The following CSMD1 variants were observed in gnomAD, a reference collection of about 807,000 sequenced individuals.
CSMD1 encodes CUB and Sushi multiple domains 1.
Under a neutral mutation model 417.5 loss-of-function variants are expected in CSMD1, and 213 were observed. The ratio of observed to expected loss-of-function variants is 0.51; its 90% CI spans 0.46 to 0.57. The LOEUF is 0.57. Ranked by LOEUF, CSMD1 falls within the 20% of genes least tolerant of loss-of-function variation. The pLI is 0.00. For missense variants in CSMD1, 6,923 were observed against 4,529.7 expected (o/e 1.53, Z -15.17); for synonymous variants, 2,862 against 1,736.8 (o/e 1.65, Z -16.11).
chr8:4,436,118 T>G (rs1798135849), intron 2 of CSMD1, among the ~76,000 whole-genome samples: 4 of 152,144 alleles, frequency 2.6e-5, no homozygotes, highest in Admixed American at 2.0e-4. Context: ...AAATATATTC[T>G]TCATTTCAGC....
At chr8:4,454,254 G>C (rs187871512) in intron 2 of CSMD1, among the ~76,000 whole-genome samples, 1 of 152,012 alleles carries the variant, frequency 6.6e-6, no homozygotes, top group African/African-American at 2.4e-5. Flanking sequence ...AGTGCTTACC[G>C]CCTCTCACTG....
At chr8:4,761,835 G>GCATCCATCCATC (rs58902259) in intron 1 of CSMD1, among the ~76,000 whole-genome samples, 3 of 121,644 alleles carry the variant, frequency 2.5e-5, no homozygotes, top group African/African-American at 1.0e-4. Flanking sequence ...ATAGTACCAT[G>GCATCCATCCATC]CATCTATCTA....
At chr8:3,850,863 G>T (rs1158079563) in intron 5 of CSMD1, among the ~76,000 whole-genome samples, 2 of 152,058 alleles carry the variant, frequency 1.3e-5, no homozygotes, top group East Asian at 1.9e-4. Context: ...ACAGACTCAA[G>T]AAAGAATTTA....
At chr8:3,817,236 G>GTCA (rs146874379) in intron 5 of CSMD1, among the ~76,000 whole-genome samples, 22,878 of 125,124 alleles carry the variant, frequency 0.18, 3,185 homozygotes, top group East Asian at 0.34. Context: ...ATCCAAAGTG[G>GTCA]TCATATCTTC....
At chr8:3,308,969 C>T (rs1186817862) in intron 23 of CSMD1, among the ~76,000 whole-genome samples, 1 of 152,068 alleles carries the variant, frequency 6.6e-6, no homozygotes, top group Non-Finnish European at 1.5e-5. Context: ...AGGCAATCCA[C>T]CCCCTCAGCC....
Position 2,968,718 on chromosome 8 carries a change from C to G in CSMD1, c.8924-1972G>C, listed in dbSNP as rs577987269. 2.0e-5 allele frequency among the ~76,000 whole-genome samples: 3 copies of G among 151,024 alleles called. No homozygotes were observed. In the South Asian group the frequency reaches 6.3e-4, roughly 32 times the overall value. On this transcript the variant is annotated intron_variant, in intron 57 of 69. Transcript: ENST00000635120. ...TTATAAGACAGGACTAAGACTAAAA[C>G]AAAACAATAGATTAAATTTAGAGGA...
At chr8:4,937,604 C>A (rs1807707755) in intron 1 of CSMD1, among the ~76,000 whole-genome samples, 1 of 152,152 alleles carries the variant, frequency 6.6e-6, no homozygotes, top group Admixed American at 6.5e-5. Flanking sequence ...CCCCTAAATA[C>A]CTTGGCAGTG....
intron 4 of CSMD1, among the ~76,000 whole-genome samples, chr8:4,009,228 A>C (rs1399394419): frequency 6.6e-6 from 1 of 152,194 alleles, no homozygotes. Flanking sequence ...AATCAGAATG[A>C]ACTGATTTCT....
chr8:3,654,389 G>C (rs765208494), intron 7 of CSMD1, among the ~76,000 whole-genome samples: 6 of 152,262 alleles, frequency 3.9e-5, no homozygotes, highest in East Asian at 1.9e-4. Flanking sequence ...CGTATAAATA[G>C]CAGAGATGTA....
At chr8:3,329,729 G>A (rs4875194) in intron 23 of CSMD1, among the ~76,000 whole-genome samples, 1 of 152,038 alleles carries the variant, frequency 6.6e-6, no homozygotes, top group Non-Finnish European at 1.5e-5. Flanking sequence ...AGTGCTAACT[G>A]AAGAGTGTGA....
Position 2,962,575 on chromosome 8 carries a change from A to G in CSMD1, c.9519T>C (p.Tyr3173=), listed in dbSNP as rs750028551. Residue 3173 remains tyrosine (Y), a synonymous_variant, in exon 61 of 70, where the codon TAT becomes TAC. Transcript: ENST00000635120. ...TGCACTGGAAGAAGACTTCGGACTTATAGGTGAAACTTTTCCCACTAAGTC... is the reference window on the plus strand; with the variant it reads ...TGCACTGGAAGAAGACTTCGGACTTGTAGGTGAAACTTTTCCCACTAAGTC... ...EGRLSGKSFT[Y]KSEVFFQCKS... 6.2e-7 allele frequency: 1 copy of G among 1,613,916 alleles called. No individual in the cohort carries two copies. The highest frequency in any genetic ancestry group is 2.2e-5 in the East Asian group (1 of 44,844).
At chr8:4,572,065 T>C (rs1020661372) in intron 2 of CSMD1, among the ~76,000 whole-genome samples, 8 of 152,242 alleles carry the variant, frequency 5.3e-5, no homozygotes, top group Admixed American at 1.3e-4. Context: ...CTTGACTCTT[T>C]ATTCAATTTT....
intron 10 of CSMD1, among the ~76,000 whole-genome samples, chr8:3,553,847 G>C (rs543994168): frequency 6.6e-6 from 1 of 152,246 alleles, no homozygotes; most frequent in Non-Finnish European, 1.5e-5. Context: ...GAAAAGGACT[G>C]AAAACACACA....
At chr8:3,889,707 A>T (rs1217520223) in intron 5 of CSMD1, among the ~76,000 whole-genome samples, 1 of 151,528 alleles carries the variant, frequency 6.6e-6, no homozygotes, top group Non-Finnish European at 1.5e-5. Context: ...CTTCCTATAA[A>T]TTGAGCTATG....
intron 1 of CSMD1, among the ~76,000 whole-genome samples, chr8:4,896,852 A>G (rs1368072029): frequency 1.3e-5 from 2 of 152,044 alleles, no homozygotes; most frequent in African/African-American, 4.8e-5. Flanking sequence ...GGAGGGTTGC[A>G]GCAGCTGCCG....
chr8:3,066,156 T>C (rs117924132), intron 49 of CSMD1, among the ~76,000 whole-genome samples: 1 of 152,224 alleles, frequency 6.6e-6, no homozygotes, highest in African/African-American at 2.4e-5. Context: ...CAAGGGCTGC[T>C]GGTTCTAGCA....
chr8:4,206,370 G>A (rs572770288), intron 3 of CSMD1, among the ~76,000 whole-genome samples: 3 of 152,004 alleles, frequency 2.0e-5, no homozygotes, highest in Non-Finnish European at 4.4e-5. Flanking sequence ...ACAGGCCCCG[G>A]TATGTCATAT....
chr8:3,916,205 T>C (rs909908912), intron 5 of CSMD1, among the ~76,000 whole-genome samples: 1 of 152,140 alleles, frequency 6.6e-6, no homozygotes, highest in Non-Finnish European at 1.5e-5. Flanking sequence ...AAGTAGAGAC[T>C]TCCAGATGTT....
At chr8:3,883,931 G>A (rs573930799) in intron 5 of CSMD1, among the ~76,000 whole-genome samples, 16 of 152,122 alleles carry the variant, frequency 1.1e-4, no homozygotes, top group African/African-American at 3.6e-4. Flanking sequence ...TATGAATATA[G>A]GCATACGCTT....
Sources: allele counts gnomAD v4.1 joint callset (sites outside exome capture counted in the v4.1 genomes callset), GRCh38; gene constraint gnomAD v4.1.1; transcripts MANE v1.5; gene names NCBI Gene and HGNC (gene_info 2026-07-23, HGNC 2026-07-21).